LPP: variants seen among roughly 807,000 people sequenced by gnomAD.
LPP encodes LIM domain containing preferred translocation partner in lipoma, also known as lipoma-preferred partner.
A neutral mutation model predicts 60.4 loss-of-function variants in LPP; 38 were observed. The ratio of observed to expected loss-of-function variants is 0.63; its 90% CI spans 0.49 to 0.83. LPP has a LOEUF of 0.83. Among genes scored for constraint, LPP ranks in the 40% least tolerant of loss-of-function variants. The probability of loss-of-function intolerance (pLI) is 0.00; values close to 1 mark genes in which losing one functional copy is unlikely to be tolerated. For missense variants in LPP, 902 were observed against 783.6 expected, an observed-to-expected ratio of 1.15 and a Z score of -1.80; for synonymous variants, 328 against 290.8, an observed-to-expected ratio of 1.13 and a Z score of -1.30.
chr3:188,638,452 C>A (rs1439259749), intron 7 of LPP, among the ~76,000 whole-genome samples: 2 of 140,376 alleles, frequency 1.4e-5, no homozygotes, highest in Non-Finnish European at 3.1e-5. Flanking sequence ...TGAAAACTGG[C>A]ACAAGACAGG....
In LPP at chr3:188,217,881, C is replaced by T. The variant is rs575324190; in HGVS notation, c.-189-7524C>T. ...CTGCCTTTGGCTTCCCAGCTGAGAG[C>T]TGTTGGAACGCCCCAAAATAAGCCC... On this transcript the variant is annotated intron_variant, in intron 1 of 11. Transcript: ENST00000617246. This position sits in a 1 kb window ranked among gnomAD's most constrained non-coding sequence, Gnocchi z 4.0. Among the ~76,000 whole-genome samples the T allele has an allele frequency of 6.6e-6, 1 of 152,330 alleles. No homozygotes were observed. The highest frequency in any genetic ancestry group is 2.4e-5 in the African/African-American group (1 of 41,574).
chr3:188,450,991 G>A (rs1796462383), intron 4 of LPP, among the ~76,000 whole-genome samples: 1 of 152,086 alleles, frequency 6.6e-6, no homozygotes, highest in Non-Finnish European at 1.5e-5. Flanking sequence ...GCTGTGGGGA[G>A]GGTGCTTGAT....
chr3:188,292,937 A>G (rs1159439530), intron 2 of LPP, among the ~76,000 whole-genome samples: 2 of 152,190 alleles, frequency 1.3e-5, no homozygotes, highest in Admixed American at 6.5e-5. Context: ...TATAGATTCT[A>G]CATTCTCATG....
At position 188,886,034 on chromosome 3, in the gene LPP, A is replaced by T. The variant is rs1770615663; in HGVS notation, c.*11555A>T. ...GATGAAATTGGAAATCATCATTCTC[A>T]GTAAACTATCTCAAGGACAAAAAAC... On this transcript the variant is annotated 3_prime_UTR_variant, in exon 12 of 12. Transcript: ENST00000617246. 1 of 152,108 alleles carries T rather than the reference A, an allele frequency of 6.6e-6. No homozygotes were observed. Among genetic ancestry groups the T allele is most frequent in the Non-Finnish European group, 1.5e-5 (1 of 68,026 alleles). The allele number at this position is 152,108 out of a possible 1,614,324, so 9.4% of individuals were successfully genotyped here. A position where few individuals can be genotyped will look rare whatever the true frequency, so the allele number is the denominator to read the frequency against.
At chr3:188,461,725 G>A (rs1232077696) in intron 4 of LPP, among the ~76,000 whole-genome samples, 1 of 151,988 alleles carries the variant, frequency 6.6e-6, no homozygotes, top group African/African-American at 2.4e-5. Context: ...TCTTTTTATT[G>A]TCCACAGATT....
At chr3:188,528,304 G>A (rs1431928058) in intron 6 of LPP, among the ~76,000 whole-genome samples, 1 of 152,028 alleles carries the variant, frequency 6.6e-6, no homozygotes, top group Non-Finnish European at 1.5e-5. Flanking sequence ...TGGGGTTACA[G>A]GCATGAGCCA....
chr3:188,577,311 A>T (rs1051287484), intron 6 of LPP, among the ~76,000 whole-genome samples: 47 of 152,282 alleles, frequency 3.1e-4, no homozygotes, highest in African/African-American at 1.1e-3. Flanking sequence ...TAAGACATAC[A>T]CCCTAGTTAC....
intron 3 of LPP, among the ~76,000 whole-genome samples, chr3:188,350,773 T>A (rs1039517626): frequency 6.6e-6 from 1 of 152,212 alleles, no homozygotes; most frequent in Non-Finnish European, 1.5e-5. Context: ...TGGACATTAT[T>A]ATTCTAGTTT....
intron 6 of LPP, among the ~76,000 whole-genome samples, chr3:188,604,799 A>G (rs1489782318): frequency 2.6e-5 from 4 of 152,180 alleles, no homozygotes; most frequent in African/African-American, 4.8e-5. Flanking sequence ...GACAGTCTCT[A>G]CTAGTATAGA....
At chr3:188,540,445 G>A (rs1310511231) in intron 6 of LPP, among the ~76,000 whole-genome samples, 1 of 152,140 alleles carries the variant, frequency 6.6e-6, no homozygotes, top group Non-Finnish European at 1.5e-5. Flanking sequence ...TGTTGTTCAA[G>A]ATAATGTGAA....
intron 6 of LPP, among the ~76,000 whole-genome samples, chr3:188,596,329 T>C (rs796142150): frequency 6.0e-4 from 92 of 152,268 alleles, no homozygotes; most frequent in African/African-American, 2.1e-3. Flanking sequence ...GTGTACAGGT[T>C]TGGTGAATAG....
intron 9 of LPP, among the ~76,000 whole-genome samples, chr3:188,787,364 A>C (rs1742270757): frequency 6.6e-6 from 1 of 152,194 alleles, no homozygotes. Context: ...AAATTAATTA[A>C]ATATAAATTT....
At chr3:188,294,575 T>A (rs979878298) in intron 2 of LPP, among the ~76,000 whole-genome samples, 1 of 152,178 alleles carries the variant, frequency 6.6e-6, no homozygotes, top group African/African-American at 2.4e-5. Context: ...TCATGCACGT[T>A]TTTTTCTCAG....
intron 2 of LPP, among the ~76,000 whole-genome samples, chr3:188,270,489 G>A (rs1351637898): frequency 6.6e-6 from 1 of 152,122 alleles, no homozygotes; most frequent in Non-Finnish European, 1.5e-5. Context: ...TTTCCTAGAT[G>A]GATTCATCGG....
Position 188,884,474 on chromosome 3 carries a change from G to C in LPP, c.*9995G>C, listed in dbSNP as rs1770434266. ...TGCACACATCTGTGTCTTCTTGTGG[G>C]AAACCTCTAGGTATTCTGTCTGATC... On this transcript the variant is annotated 3_prime_UTR_variant, in exon 12 of 12. Transcript: ENST00000617246. 8.7e-6 allele frequency: 2 copies of C among 229,232 alleles called. No homozygotes were observed. Among genetic ancestry groups the C allele is most frequent in the Admixed American group, 1.1e-4 (2 of 17,650 alleles). 14.2% of individuals were successfully genotyped at this position (229,232 alleles called of 1,614,324 possible).
At chr3:188,815,556 G>A (rs201516821) in intron 9 of LPP, among the ~76,000 whole-genome samples, 67 of 149,482 alleles carry the variant, frequency 4.5e-4, no homozygotes, top group Non-Finnish European at 6.3e-4. Context: ...AAAAAAAAAA[G>A]CAGCAGCAGC....
At chr3:188,331,590 C>G (rs1214442712) in intron 2 of LPP, among the ~76,000 whole-genome samples, 1 of 152,216 alleles carries the variant, frequency 6.6e-6, no homozygotes, top group African/African-American at 2.4e-5. Context: ...CATCTGCCTC[C>G]TTTCCTCCTT....
intron 1 of LPP, among the ~76,000 whole-genome samples, chr3:188,203,034 A>G (rs898625284): frequency 1.4e-4 from 20 of 147,120 alleles, no homozygotes; most frequent in African/African-American, 4.0e-4. Flanking sequence ...GAAACAATTT[A>G]TATGTTTTTT....
chr3:188,791,984 G>T (rs1164317753), intron 9 of LPP, among the ~76,000 whole-genome samples: 5 of 152,094 alleles, frequency 3.3e-5, no homozygotes, highest in African/African-American at 1.2e-4. Flanking sequence ...TGTTGGAATG[G>T]ATGAGCTCTA....
Sources: allele counts gnomAD v4.1 joint callset (sites outside exome capture counted in the v4.1 genomes callset), GRCh38; gene constraint gnomAD v4.1.1; non-coding constraint Gnocchi (gnomAD v3.1); transcripts MANE v1.5; gene names NCBI Gene and HGNC (gene_info 2026-07-23, HGNC 2026-07-21).